Variants in SHANK2 observed in about 807,000 individuals in gnomAD.
SHANK2 encodes the protein SH3 and multiple ankyrin repeat domains protein 2.
In SHANK2, 43 loss-of-function variants were observed where a neutral mutation model predicts 133.7. The observed-to-expected ratio is 0.32, with a 90% CI of 0.25 to 0.41. SHANK2 has a LOEUF of 0.41. Among genes scored for constraint, SHANK2 ranks in the 10% least tolerant of loss-of-function variants. SHANK2 has a pLI of 1.00. For missense variants in SHANK2, 1,994 were observed against 2,235.8 expected (o/e 0.89, Z 2.18); for synonymous variants, 1,017 against 952.8 (o/e 1.07, Z -1.24).
chr11:70,782,615 C>A (rs1947528398), intron 14 of SHANK2, among the ~76,000 whole-genome samples: 1 of 152,254 alleles, frequency 6.6e-6, no homozygotes, highest in Non-Finnish European at 1.5e-5. Flanking sequence ...GTCATCCGCA[C>A]ACCTGCACCA....
chr11:70,753,082 C>T (rs1946789441), intron 14 of SHANK2, among the ~76,000 whole-genome samples: 1 of 151,460 alleles, frequency 6.6e-6, no homozygotes, highest in African/African-American at 2.4e-5. Flanking sequence ...CACTGCACTC[C>T]AACCTGGGTA....
intron 17 of SHANK2, among the ~76,000 whole-genome samples, chr11:70,645,871 G>C (rs1389608518): frequency 1.3e-5 from 2 of 151,872 alleles, no homozygotes; most frequent in East Asian, 1.9e-4. Context: ...TGGAGCCGGA[G>C]CCAGACTTGG....
rs758488409 is a variant in SHANK2 at position 70,485,301 on chromosome 11, A to C, written c.4979+13T>G. The stretch of plus-strand genomic sequence containing the variant: ...CGCAGAGCGGTGTGCATGTGCACCA[A>C]CCGCGGACTTACCTTGGAGCGAGGC... On this transcript the variant is annotated intron_variant, in intron 25 of 25. Transcript: ENST00000601538. This position sits in a 1 kb window ranked among gnomAD's most constrained non-coding sequence, Gnocchi z 5.8. 1 of 1,611,746 alleles carries C rather than the reference A, an allele frequency of 6.2e-7. No homozygotes were observed.
intron 1 of SHANK2, among the ~76,000 whole-genome samples, chr11:71,227,678 T>G (rs10792565): frequency 0.39 from 58,711 of 151,796 alleles, 12,073 homozygotes; most frequent in East Asian, 0.8. Flanking sequence ...TCAGCAAGGA[T>G]ACAGAACTCA....
In SHANK2 at chr11:70,487,409, C is replaced by T; in HGVS notation, c.2884G>A (p.Asp962Asn). ...FRRELDRYSL[D>N]SEDLYSRNAG... ...TTCCGACTGTAGAGGTCTTCAGAGT[C>T]CAAGGAGTAGCGGTCCAGCTCTCTC... is the stretch of plus-strand genomic sequence containing the variant. The change falls in exon 25 of 26, where the codon GAC becomes AAC. Residue 962 changes from aspartate to asparagine, a missense_variant. Transcript: ENST00000601538. The surrounding 1 kb of genome is among the most constrained non-coding windows in gnomAD (Gnocchi z 5.8). The T allele has an allele frequency of 6.2e-7, 1 of 1,614,130 alleles. No homozygotes were observed. The highest frequency in any genetic ancestry group is 8.5e-7 in the Non-Finnish European group (1 of 1,180,042).
chr11:70,599,000 C>A (rs1454539408), intron 17 of SHANK2, among the ~76,000 whole-genome samples: 6 of 139,904 alleles, frequency 4.3e-5, no homozygotes, highest in Non-Finnish European at 7.6e-5. Flanking sequence ...AAGAACAAAG[C>A]AGGTATTCCC....
chr11:71,175,551 G>GGAGAGAGAGAGAGAGAGA lies in SHANK2; in HGVS notation c.-12-28231_-12-28214dup, dbSNP rs555218781. Among the ~76,000 whole-genome samples the GGAGAGAGAGAGAGAGAGA allele has an allele frequency of 3.2e-4, 13 of 40,644 alleles. No homozygotes were observed. Among genetic ancestry groups the GGAGAGAGAGAGAGAGAGA allele is most frequent in the Non-Finnish European group, 4.1e-4 (8 of 19,722 alleles). 26.7% of individuals were successfully genotyped at this position (40,644 alleles called of 152,430 possible). ...CAGACAGACAGAGGGAGAGGGAGAG[G>GGAGAGAGAGAGAGAGAGA]GAGAGAGAGAGAGAGAGAGAGAGAG... On this transcript the variant is annotated intron_variant, in intron 2 of 25. Coordinates refer to ENST00000601538, the MANE Select transcript of SHANK2 (RefSeq NM_012309.5). The surrounding 1 kb of genome is among the most constrained non-coding windows in gnomAD (Gnocchi z 4.2).
intron 3 of SHANK2, among the ~76,000 whole-genome samples, chr11:71,136,383 T>C (rs1448139129): frequency 2.0e-5 from 3 of 152,204 alleles, no homozygotes; most frequent in African/African-American, 7.2e-5. Flanking sequence ...TGAAAGGACT[T>C]GGAAACTGAA....
At chr11:71,170,554 A>G (rs1565493135) in intron 2 of SHANK2, among the ~76,000 whole-genome samples, 1 of 152,222 alleles carries the variant, frequency 6.6e-6, no homozygotes, top group Non-Finnish European at 1.5e-5. Context: ...AGAAGAAACT[A>G]TGATCTAATG....
intron 2 of SHANK2, among the ~76,000 whole-genome samples, chr11:71,161,266 A>G (rs1465652434): frequency 6.6e-6 from 1 of 152,258 alleles, no homozygotes; most frequent in African/African-American, 2.4e-5. Context: ...ATAGCATCAC[A>G]TGATAGACAG....
chr11:70,673,359 CTGT>C (rs1944851207), intron 15 of SHANK2, among the ~76,000 whole-genome samples: 1 of 152,128 alleles, frequency 6.6e-6, no homozygotes, highest in Admixed American at 6.5e-5. Flanking sequence ...CAGGAAGGGA[CTGT>C]TGATGACTTT....
At chr11:70,555,435 T>C (rs1378717316) in intron 17 of SHANK2, among the ~76,000 whole-genome samples, 2 of 152,242 alleles carry the variant, frequency 1.3e-5, no homozygotes, top group Non-Finnish European at 2.9e-5. Flanking sequence ...AAGGAAAAGA[T>C]CTAGAAGGAA....
chr11:71,079,864 G>A (rs1375039000), intron 8 of SHANK2, among the ~76,000 whole-genome samples: 2 of 77,160 alleles, frequency 2.6e-5, no homozygotes, highest in African/African-American at 5.1e-5. Context: ...GGGGAAGGGA[G>A]GGGAGGGGAA....
At chr11:70,599,324 T>C (rs1327879794) in intron 17 of SHANK2, among the ~76,000 whole-genome samples, 15 of 152,044 alleles carry the variant, frequency 9.9e-5, no homozygotes, top group African/African-American at 3.4e-4. Context: ...AAGAGAAATG[T>C]AGGCAGGGCG....
At chr11:70,636,382 TGTGTGTATGA>T (rs1245733566) in intron 17 of SHANK2, among the ~76,000 whole-genome samples, 3 of 122,596 alleles carry the variant, frequency 2.4e-5, no homozygotes, top group Non-Finnish European at 3.8e-5. Flanking sequence ...AATGTGAGTC[TGTGTGTATGA>T]GTGTGTATGC....
chr11:71,208,082 A>G (rs561792180), intron 2 of SHANK2, among the ~76,000 whole-genome samples: 1 of 152,310 alleles, frequency 6.6e-6, no homozygotes, highest in Non-Finnish European at 1.5e-5. Flanking sequence ...AGAAAACCAC[A>G]GCTGCCCTGA....
chr11:70,608,747 G>A (rs528936578), intron 17 of SHANK2, among the ~76,000 whole-genome samples: 189 of 152,312 alleles, frequency 1.2e-3, no homozygotes, highest in Non-Finnish European at 1.3e-3. Context: ...CCGAAAGCTC[G>A]TGCTATTTAG....
chr11:70,646,846 T>C (rs1318125892), intron 17 of SHANK2, among the ~76,000 whole-genome samples: 3 of 148,368 alleles, frequency 2.0e-5, no homozygotes, highest in Admixed American at 6.7e-5. Context: ...TATTTATTTA[T>C]TTATTTATTT....
Position 70,472,622 on chromosome 11 carries a change from A to G in SHANK2, c.*247T>C, listed in dbSNP as rs1310249593. 3.3e-5 allele frequency: 18 copies of G among 551,758 alleles called. No homozygotes were observed. In the East Asian group the frequency reaches 5.6e-4, roughly 17 times the overall value. 34.2% of individuals were successfully genotyped at this position (551,758 alleles called of 1,614,324 possible). On this transcript the variant is annotated 3_prime_UTR_variant, in exon 26 of 26. Coordinates refer to ENST00000601538, the MANE Select transcript of SHANK2 (RefSeq NM_012309.5). This position sits in a 1 kb window ranked among gnomAD's most constrained non-coding sequence, Gnocchi z 4.4. ...GGCGGCAGGCTGAGAATCTTTTTCCATGTTAGAAAAACTCCCTCCCCTTGT... is the reference window on the plus strand; with the variant it reads ...GGCGGCAGGCTGAGAATCTTTTTCCGTGTTAGAAAAACTCCCTCCCCTTGT...
Sources: allele counts gnomAD v4.1 joint callset (sites outside exome capture counted in the v4.1 genomes callset), GRCh38; gene constraint gnomAD v4.1.1; non-coding constraint Gnocchi (gnomAD v3.1); transcripts MANE v1.5; gene names NCBI Gene and HGNC (gene_info 2026-07-23, HGNC 2026-07-21).